Variants in SOCS4 observed in about 807,000 individuals in gnomAD.
SOCS4 encodes suppressor of cytokine signaling 4.
A neutral mutation model predicts 34.1 loss-of-function variants in SOCS4; 20 were observed. The ratio of observed to expected loss-of-function variants is 0.59; its 90% CI spans 0.41 to 0.85. The LOEUF is 0.85. Ranked by LOEUF, SOCS4 falls within the 40% of genes least tolerant of loss-of-function variation. The pLI is 0.00. For missense variants in SOCS4, 479 were observed against 532.4 expected, an observed-to-expected ratio of 0.90 and a Z score of 0.99; for synonymous variants, 180 against 186.4, an observed-to-expected ratio of 0.97 and a Z score of 0.28.
chr14:55,044,776 T>C lies in SOCS4; in HGVS notation c.*412T>C, dbSNP rs1190773732. 1 of 167,534 alleles carries C rather than the reference T, an allele frequency of 6.0e-6. No individual in the cohort carries two copies. Among genetic ancestry groups the C allele is most frequent in the African/African-American group, 2.4e-5 (1 of 41,474 alleles). The allele number at this position is 167,534 out of a possible 1,614,324, so 10.4% of individuals were successfully genotyped here. On this transcript the variant is annotated 3_prime_UTR_variant, in exon 3 of 3. Coordinates refer to ENST00000555846, the MANE Select transcript of SOCS4 (RefSeq NM_199421.2). ...GTCCTTTCCTACATGTAAAATATTT[T>C]GTTAATCTATGCCATTAGTAGTATT...
rs1242216837 is a variant in SOCS4, at chr14:55,040,203, TAAG to T, written c.-90-2746_-90-2744del. Among the ~76,000 whole-genome samples the T allele has an allele frequency of 2.0e-5, 3 of 152,312 alleles. No individual in the cohort carries two copies. The East Asian group carries it at 5.8e-4, about 29-fold the overall frequency. ...TGATGAAGTTTCTTTCAAAATTAAA[TAAG>T]AAATACTTTTCCTTAAAGATCTTAA... On this transcript the variant is annotated intron_variant, in intron 2 of 2. Coordinates refer to ENST00000555846, the MANE Select transcript of SOCS4 (RefSeq NM_199421.2).
intron 2 of SOCS4, among the ~76,000 whole-genome samples, chr14:55,040,611 G>T (rs2042608875): frequency 6.6e-6 from 1 of 152,020 alleles, no homozygotes; most frequent in Non-Finnish European, 1.5e-5. Flanking sequence ...GGGCGTGGTG[G>T]TGGGCGCCTG....
At chr14:55,040,766 A>G (rs2042610776) in intron 2 of SOCS4, among the ~76,000 whole-genome samples, 1 of 151,842 alleles carries the variant, frequency 6.6e-6, no homozygotes, top group African/African-American at 2.4e-5. Flanking sequence ...GAGTTATTAT[A>G]CTGTATTGCT....
At chr14:55,030,810 C>A (rs1170760772) in intron 1 of SOCS4, among the ~76,000 whole-genome samples, 1 of 152,142 alleles carries the variant, frequency 6.6e-6, no homozygotes, top group Non-Finnish European at 1.5e-5. Flanking sequence ...TTTGACAGTT[C>A]AGCAGCTCAT....
Position 55,043,685 on chromosome 14 carries a change from T to C in SOCS4, c.644T>C (p.Met215Thr). 1 of 1,614,200 alleles carries C rather than the reference T, an allele frequency of 6.2e-7. No individual in the cohort carries two copies. Among genetic ancestry groups the C allele is most frequent in the Non-Finnish European group, 8.5e-7 (1 of 1,180,026 alleles). ...CREGPMTGSVMNLVSNNSIED... is the reference protein window; with the variant it reads ...CREGPMTGSVTNLVSNNSIED... ...GAAGGTCCTATGACTGGCTCTGTGATGAACCTGGTTTCAAATAACAGTATA... is the reference window on the plus strand; with the variant it reads ...GAAGGTCCTATGACTGGCTCTGTGACGAACCTGGTTTCAAATAACAGTATA... The change falls in exon 3 of 3, where the codon ATG becomes ACG. Residue 215 changes from methionine (M) to threonine (T), a missense_variant. Physicochemically the swap from Met to Thr is moderately conservative, Grantham distance 81. Coordinates refer to ENST00000555846, the MANE Select transcript of SOCS4 (RefSeq NM_199421.2).
At position 55,046,965 on chromosome 14, in the gene SOCS4, GA is replaced by G. The variant is rs2042682385; in HGVS notation, c.*2602del. On this transcript the variant is annotated 3_prime_UTR_variant, in exon 3 of 3. Coordinates refer to ENST00000555846, the MANE Select transcript of SOCS4 (RefSeq NM_199421.2). ...CTATATAAAATGTAAACAATATATT[GA>G]TTGCACTATATAAATGAGTAAATTT... 1 of 167,004 alleles carries G rather than the reference GA, an allele frequency of 6.0e-6. No individual in the cohort carries two copies. Among genetic ancestry groups the G allele is most frequent in the Non-Finnish European group, 1.5e-5 (1 of 68,070 alleles). The allele number at this position is 167,004 out of a possible 1,614,324, so 10.3% of individuals were successfully genotyped here. A position where few individuals can be genotyped will look rare whatever the true frequency, so the allele number is the denominator to read the frequency against.
intron 2 of SOCS4, among the ~76,000 whole-genome samples, chr14:55,036,862 T>G (rs2042576684): frequency 6.6e-6 from 1 of 151,890 alleles, no homozygotes; most frequent in African/African-American, 2.4e-5. Flanking sequence ...CACCTGAAAA[T>G]CCAAGCACTT....
chr14:55,039,115 C>A (rs77880050), intron 2 of SOCS4, among the ~76,000 whole-genome samples: 3,216 of 152,162 alleles, frequency 0.021, 106 homozygotes, highest in African/African-American at 0.074. Flanking sequence ...TGAGAAAAAA[C>A]CAAAAAGCTG....
At position 55,029,553 on chromosome 14, in the gene SOCS4, A is replaced by G. The variant is rs552969723; in HGVS notation, c.-220+2082A>G. ...CATTCTACCAATGATGGTATTACCTATATAAAATCATGTGATCTTACAGGA... is the reference window on the plus strand; with the variant it reads ...CATTCTACCAATGATGGTATTACCTGTATAAAATCATGTGATCTTACAGGA... On this transcript the variant is annotated intron_variant, in intron 1 of 2. Transcript: ENST00000555846. Among the ~76,000 whole-genome samples the G allele has an allele frequency of 2.0e-5, 3 of 152,324 alleles. No individual in the cohort carries two copies. The South Asian group carries it at 6.2e-4, about 32-fold the overall frequency.
chr14:55,035,506 C>T (rs141514549), intron 2 of SOCS4, among the ~76,000 whole-genome samples: 55 of 152,264 alleles, frequency 3.6e-4, no homozygotes, highest in Middle Eastern at 3.4e-3. Flanking sequence ...AATCTCTTTA[C>T]CTTGTAGTAA....
rs1199171369 is a variant in SOCS4 at position 55,043,202 on chromosome 14, G to GTA, written c.164_165dup (p.Glu56Ter). The GTA allele has an allele frequency of 1.2e-6, 2 of 1,614,218 alleles. No individual in the cohort carries two copies. The highest frequency in any genetic ancestry group is 1.7e-6 in the Non-Finnish European group (2 of 1,180,044). Reference sequence around the variant, plus strand: ...TATTCAGATGCTGAGACAGTGAATGGTATAGAGAAAACCGAAGTGTCTTTA... The same window carrying GTA: ...TATTCAGATGCTGAGACAGTGAATGGTATATAGAGAAAACCGAAGTGTCTTTA... On this transcript the variant is annotated frameshift_variant, in exon 3 of 3. Coordinates refer to ENST00000555846, the MANE Select transcript of SOCS4 (RefSeq NM_199421.2). LOFTEE classifies it high-confidence loss of function.
chr14:55,030,274 T>C (rs180741102), intron 1 of SOCS4, among the ~76,000 whole-genome samples: 34 of 152,304 alleles, frequency 2.2e-4, no homozygotes, highest in Non-Finnish European at 3.5e-4. Flanking sequence ...GAAAATATAA[T>C]ACAATCTTAT....
rs2042471052 is a variant in SOCS4 at position 55,027,375 on chromosome 14, TG to T, written c.-313del. On this transcript the variant is annotated 5_prime_UTR_variant, in exon 1 of 3. Coordinates refer to ENST00000555846, the MANE Select transcript of SOCS4 (RefSeq NM_199421.2). ...GACCTACACGAGGTGCAGGAGTGGT[TG>T]GGCCTCCCCTCTCCACTTAAGCAAG... The T allele has an allele frequency of 6.2e-6, 1 of 160,254 alleles. No homozygotes were observed. The highest frequency in any genetic ancestry group is 1.8e-4 in the South Asian group (1 of 5,708). The allele number at this position is 160,254 out of a possible 1,614,324, so 9.9% of individuals were successfully genotyped here.
chr14:55,042,584 C>T (rs1302173852), intron 2 of SOCS4, among the ~76,000 whole-genome samples: 1 of 152,150 alleles, frequency 6.6e-6, no homozygotes, highest in Non-Finnish European at 1.5e-5. Context: ...ATTCACTGGT[C>T]TGCTGTGAAA....
intron 2 of SOCS4, among the ~76,000 whole-genome samples, chr14:55,037,634 C>T (rs2042585148): frequency 6.6e-6 from 1 of 151,972 alleles, no homozygotes; most frequent in Non-Finnish European, 1.5e-5. Context: ...GCTGGGATTA[C>T]AGGCGCCTGC....
At chr14:55,031,166 T>C (rs2042525592) in intron 1 of SOCS4, among the ~76,000 whole-genome samples, 1 of 152,200 alleles carries the variant, frequency 6.6e-6, no homozygotes, top group Non-Finnish European at 1.5e-5. Flanking sequence ...ATATCTTAAA[T>C]ATTCTGTTTC....
intron 1 of SOCS4, chr14:55,027,878 A>C (rs112110871): frequency 6.6e-6 from 1 of 152,234 alleles, no homozygotes; most frequent in Non-Finnish European, 1.5e-5. Flanking sequence ...GTGAATATTT[A>C]TAACCAAAAG....
chr14:55,042,565 C>G (rs1226609245), intron 2 of SOCS4, among the ~76,000 whole-genome samples: 1 of 152,124 alleles, frequency 6.6e-6, no homozygotes, highest in African/African-American at 2.4e-5. Flanking sequence ...TGTCTGTCTT[C>G]TACAAATAAT....
intron 1 of SOCS4, among the ~76,000 whole-genome samples, chr14:55,028,660 C>A (rs1234016571): frequency 6.6e-6 from 1 of 152,090 alleles, no homozygotes; most frequent in Non-Finnish European, 1.5e-5. Context: ...TCTGTAATAC[C>A]CATGAGACTA....
Sources: gnomAD v4.1 joint callset for allele counts (sites outside exome capture counted in the v4.1 genomes callset) on GRCh38, gnomAD v4.1.1 for gene constraint, MANE v1.5 for transcripts, NCBI Gene and HGNC (gene_info 2026-07-23, HGNC 2026-07-21) for gene names.